Variants in DENND2C observed in about 807,000 individuals in gnomAD.
DENND2C encodes the protein DENN domain containing 2C.
Under a neutral mutation model 112.4 loss-of-function variants are expected in DENND2C, and 72 were observed. The observed-to-expected ratio is 0.64, with a 90% CI of 0.53 to 0.78. DENND2C has a LOEUF of 0.78. Among genes scored for constraint, DENND2C ranks in the 30% least tolerant of loss-of-function variants. DENND2C has a pLI of 0.00. For missense variants in DENND2C, 992 were observed against 1,113.8 expected, an observed-to-expected ratio of 0.89 and a Z score of 1.56; for synonymous variants, 329 against 381.6, an observed-to-expected ratio of 0.86 and a Z score of 1.61.
intron 8 of DENND2C, among the ~76,000 whole-genome samples, chr1:114,614,721 A>G (rs1291717447): frequency 1.3e-5 from 2 of 152,186 alleles, no homozygotes; most frequent in Admixed American, 6.5e-5. Flanking sequence ...GTAATAACCT[A>G]CTTAGAAATA....
intron 7 of DENND2C, among the ~76,000 whole-genome samples, chr1:114,621,323 A>C (rs541819345): frequency 1.5e-3 from 222 of 152,340 alleles, no homozygotes; most frequent in African/African-American, 4.9e-3. Context: ...CAATTTCTTC[A>C]TTTTGGTTGC....
At chr1:114,631,329 T>C (rs189399893) in intron 3 of DENND2C, among the ~76,000 whole-genome samples, 229 of 151,946 alleles carry the variant, frequency 1.5e-3, no homozygotes, top group Non-Finnish European at 3.0e-3. Flanking sequence ...TCAGTCAAGA[T>C]AGCACTCAAG....
chr1:114,667,874 C>T (rs1657688665), intron 1 of DENND2C, among the ~76,000 whole-genome samples: 1 of 152,090 alleles, frequency 6.6e-6, no homozygotes, highest in South Asian at 2.1e-4. Context: ...ATGAGATAAT[C>T]ATAATAACAT....
intron 3 of DENND2C, among the ~76,000 whole-genome samples, chr1:114,632,948 G>T (rs1220525092): frequency 6.6e-6 from 1 of 151,810 alleles, no homozygotes; most frequent in African/African-American, 2.4e-5. Context: ...AAAGGAATGA[G>T]GAGAACAAAA....
rs762916371 is a variant in DENND2C at position 114,618,443 on chromosome 1, C to T, written c.1267G>A (p.Gly423Arg). The T allele has an allele frequency of 6.3e-7, 1 of 1,594,306 alleles. No homozygotes were observed. The highest frequency in any genetic ancestry group is 2.3e-5 in the East Asian group (1 of 44,302). The change falls in exon 8 of 21, where the codon GGG becomes AGG. Residue 423 changes from glycine (G) to arginine (R), a missense_variant. By Grantham distance (125) the Gly-to-Arg change is moderately radical (BLOSUM62 -2). Transcript: ENST00000393274. ...GAATGTAACTTTACCTTCTTCTTCCCTCTTTTAGATTCAAATATGTCATCT... is the reference window on the plus strand; with the variant it reads ...GAATGTAACTTTACCTTCTTCTTCCTTCTTTTAGATTCAAATATGTCATCT... ...KIDDIFESKRGKKKVKLHSYT... is the reference protein window; with the variant it reads ...KIDDIFESKRRKKKVKLHSYT...
intron 7 of DENND2C, 86 bp downstream of exon 7, chr1:114,621,809 T>C (rs1173947591): frequency 7.3e-6 from 11 of 1,498,304 alleles, no homozygotes; most frequent in Non-Finnish European, 9.9e-6. Flanking sequence ...TCTAACCTAT[T>C]ATTCATTTCG....
chr1:114,614,179 CCATGTTTG>C (rs1489644339), intron 8 of DENND2C, among the ~76,000 whole-genome samples: 1 of 150,818 alleles, frequency 6.6e-6, no homozygotes, highest in Non-Finnish European at 1.5e-5. Flanking sequence ...CTGCAGTGAG[CCATGTTTG>C]CATCATTGCA....
At chr1:114,622,408 A>G (rs1656191366) in intron 6 of DENND2C, among the ~76,000 whole-genome samples, 1 of 151,706 alleles carries the variant, frequency 6.6e-6, no homozygotes, top group Non-Finnish European at 1.5e-5. Context: ...GAGCCACTGC[A>G]CCTGGCCAGC....
chr1:114,660,642 G>A (rs1360799079), intron 1 of DENND2C, among the ~76,000 whole-genome samples: 2 of 152,172 alleles, frequency 1.3e-5, no homozygotes, highest in Non-Finnish European at 1.5e-5. Context: ...AGGGAACACT[G>A]TTAGTAGCAG....
Position 114,628,279 on chromosome 1 carries a change from C to A in DENND2C, c.-204-2091G>T, listed in dbSNP as rs74395508. On this transcript the variant is annotated intron_variant, in intron 3 of 20. Coordinates refer to ENST00000393274, the MANE Select transcript of DENND2C (RefSeq NM_001256404.2). The stretch of plus-strand genomic sequence containing the variant: ...AAGCTGCAGTAAGTTATGATCACAG[C>A]ATTGCAATTTAGCCTGGGTGATGGA... Among the ~76,000 whole-genome samples the A allele has an allele frequency of 0.01, 1,489 of 144,076 alleles. 61 individuals are homozygous for A. The East Asian group carries it at 0.13, about 12-fold the overall frequency. The allele number at this position is 144,076 out of a possible 152,430, so 94.5% of individuals were successfully genotyped here. A position where few individuals can be genotyped will look rare whatever the true frequency, so the allele number is the denominator to read the frequency against.
intron 1 of DENND2C, among the ~76,000 whole-genome samples, chr1:114,665,174 C>T (rs2101702136): frequency 6.6e-6 from 1 of 151,066 alleles, no homozygotes; most frequent in Non-Finnish European, 1.5e-5. Flanking sequence ...GAGACTGAAG[C>T]AGGAGGATCC....
intron 12 of DENND2C, 55 bp from the exon 13 acceptor site, chr1:114,601,640 A>G: frequency 1.3e-6 from 2 of 1,486,202 alleles, no homozygotes; most frequent in South Asian, 2.3e-5. Flanking sequence ...ATTTTTATTA[A>G]TACTAATTTG....
intron 2 of DENND2C, among the ~76,000 whole-genome samples, chr1:114,652,787 T>C (rs1293795280): frequency 2.6e-5 from 4 of 151,860 alleles, no homozygotes; most frequent in Middle Eastern, 6.8e-3. Flanking sequence ...GCTCAAGTGA[T>C]TGTCCCACCT....
chr1:114,597,898 A>T (rs367767412), intron 16 of DENND2C, among the ~76,000 whole-genome samples: 1 of 152,340 alleles, frequency 6.6e-6, no homozygotes, highest in South Asian at 2.1e-4. Flanking sequence ...CTCAACAGGA[A>T]TCAAGGAATG....
intron 2 of DENND2C, among the ~76,000 whole-genome samples, chr1:114,653,621 T>G (rs1438942338): frequency 6.6e-6 from 1 of 152,164 alleles, no homozygotes; most frequent in East Asian, 1.9e-4. Flanking sequence ...TTTTATAACT[T>G]TTTATAATGA....
intron 2 of DENND2C, among the ~76,000 whole-genome samples, chr1:114,654,239 T>C (rs1238416052): frequency 6.6e-6 from 1 of 152,176 alleles, no homozygotes; most frequent in Non-Finnish European, 1.5e-5. Flanking sequence ...AAGACCATCC[T>C]GGCTAACATG....
At chr1:114,618,236 C>G in intron 8 of DENND2C, 150 bp downstream of exon 8, 1 of 354,466 alleles carries the variant, frequency 2.8e-6, no homozygotes, top group South Asian at 5.3e-5. Flanking sequence ...GATCCACCCG[C>G]CTTGGCCTCC....
chr1:114,648,386 A>G (rs1657057141), intron 2 of DENND2C, among the ~76,000 whole-genome samples: 1 of 152,226 alleles, frequency 6.6e-6, no homozygotes, highest in Non-Finnish European at 1.5e-5. Flanking sequence ...CTCAAAGGCC[A>G]AAACCAAAAC....
chr1:114,639,943 G>T (rs1267720026), intron 3 of DENND2C, among the ~76,000 whole-genome samples: 1 of 152,104 alleles, frequency 6.6e-6, no homozygotes. Flanking sequence ...ATCAACTCTG[G>T]CAGGGCATTA....
Sources: allele counts gnomAD v4.1 joint callset (sites outside exome capture counted in the v4.1 genomes callset), GRCh38; gene constraint gnomAD v4.1.1; transcripts MANE v1.5; gene names NCBI Gene and HGNC (gene_info 2026-07-23, HGNC 2026-07-21).